SNTG2: variants seen among roughly 807,000 people sequenced by gnomAD.
SNTG2 encodes the protein syntrophin gamma 2.
In SNTG2, 74 loss-of-function variants were observed where a neutral mutation model predicts 70.9. The ratio of observed to expected loss-of-function variants is 1.04; its 90% confidence interval spans 0.86 to 1.27. SNTG2 has a LOEUF of 1.27. Ranked by LOEUF, SNTG2 falls within the 50% of genes most tolerant of loss-of-function variation. The probability of loss-of-function intolerance (pLI) is 0.00; values close to 1 mark genes in which losing one functional copy is unlikely to be tolerated. For missense variants in SNTG2, 717 were observed against 690.7 expected (o/e 1.04, Z -0.43); for synonymous variants, 278 against 273.8 (o/e 1.02, Z -0.15).
intron 8 of SNTG2, 49 bp downstream of exon 8, chr2:1,173,232 A>G: frequency 6.7e-7 from 1 of 1,493,104 alleles, no homozygotes; most frequent in South Asian, 1.1e-5. Flanking sequence ...AAATATCAGT[A>G]GCCCAGAGAT....
chr2:1,021,936 C>CTTTTTTTTTT (rs71392556), intron 1 of SNTG2, among the ~76,000 whole-genome samples: 6 of 121,116 alleles, frequency 5.0e-5, no homozygotes, highest in Non-Finnish European at 8.2e-5. Flanking sequence ...GTTTTATGTG[C>CTTTTTTTTTT]TTTTTTTTTT....
intron 16 of SNTG2, among the ~76,000 whole-genome samples, chr2:1,355,660 C>A (rs926901729): frequency 6.6e-6 from 1 of 152,194 alleles, no homozygotes; most frequent in Non-Finnish European, 1.5e-5. Flanking sequence ...GAGTGCAGGT[C>A]TCTCTTGGAG....
chr2:964,523 G>A (rs1660461787), intron 1 of SNTG2, among the ~76,000 whole-genome samples: 1 of 152,218 alleles, frequency 6.6e-6, no homozygotes, highest in African/African-American at 2.4e-5. Flanking sequence ...GTGTTAGGGA[G>A]GTTCCCAGCA....
intron 4 of SNTG2, among the ~76,000 whole-genome samples, chr2:1,100,479 CATT>C (rs1178066029): frequency 6.6e-6 from 1 of 152,206 alleles, no homozygotes; most frequent in Non-Finnish European, 1.5e-5. Flanking sequence ...TCAAAAGAAA[CATT>C]ATGATTCATT....
chr2:1,027,201 C>T (rs958137097), intron 1 of SNTG2, among the ~76,000 whole-genome samples: 2 of 152,204 alleles, frequency 1.3e-5, no homozygotes, highest in Non-Finnish European at 2.9e-5. Flanking sequence ...TGGAGATGCT[C>T]CCGGGCCCAC....
rs1480775169 is a variant in SNTG2, at chr2:1,235,561, CCCCCG to C, written c.720-2326_720-2322del. Reference sequence around the variant, plus strand: ...AGGTCCCTGCAGGCCCCACCAGGCACCCCCGATTCATGAGAGGGGGGACCCCTGCC... The same window carrying C: ...AGGTCCCTGCAGGCCCCACCAGGCACATTCATGAGAGGGGGGACCCCTGCC... On this transcript the variant is annotated intron_variant, in intron 9 of 16. Coordinates refer to ENST00000308624, the MANE Select transcript of SNTG2 (RefSeq NM_018968.4). 1.1e-3 allele frequency among the ~76,000 whole-genome samples: 97 copies of C among 92,030 alleles called. 3 individuals are homozygous for C. The highest frequency in any genetic ancestry group is 1.7e-3 in the Admixed American group (17 of 10,256). The allele number at this position is 92,030 out of a possible 152,430, so 60.4% of individuals were successfully genotyped here.
At chr2:1,255,128 G>A (rs1050063669) in intron 12 of SNTG2, among the ~76,000 whole-genome samples, 8 of 152,006 alleles carry the variant, frequency 5.3e-5, no homozygotes, top group African/African-American at 7.3e-5. Flanking sequence ...AAGTCGTGGC[G>A]TGGAGTCTGG....
chr2:959,133 A>G (rs1273874924), intron 1 of SNTG2, among the ~76,000 whole-genome samples: 1 of 152,238 alleles, frequency 6.6e-6, no homozygotes, highest in Non-Finnish European at 1.5e-5. Flanking sequence ...ATGTTGAATA[A>G]TATTGTAAAT....
intron 9 of SNTG2, among the ~76,000 whole-genome samples, chr2:1,215,550 C>CTTTTTTTTT: frequency 6.6e-6 from 1 of 150,822 alleles, no homozygotes; most frequent in Non-Finnish European, 1.5e-5. Context: ...TCTTTTTTTT[C>CTTTTTTTTT]TTTTTTTTCT....
chr2:973,419 G>A (rs1361486659), intron 1 of SNTG2, among the ~76,000 whole-genome samples: 2 of 152,000 alleles, frequency 1.3e-5, no homozygotes, highest in Non-Finnish European at 2.9e-5. Context: ...GGAGTTGAGT[G>A]TAAGGTTGAG....
In SNTG2 at chr2:1,089,525, C is replaced by T. The variant is rs188138343; in HGVS notation, c.210+5870C>T. Among the ~76,000 whole-genome samples the T allele has an allele frequency of 6.6e-5, 10 of 152,298 alleles. No individual in the cohort carries two copies. In the East Asian group the frequency reaches 1.9e-3, roughly 29 times the overall value. On this transcript the variant is annotated intron_variant, in intron 2 of 16. Coordinates refer to ENST00000308624, the MANE Select transcript of SNTG2 (RefSeq NM_018968.4). ...TGGCAGCTCCCTGTAATCCCAGCTA[C>T]TCAGGAGGCTGAAGCAAGAGAATCA...
intron 1 of SNTG2, among the ~76,000 whole-genome samples, chr2:985,182 C>T (rs186623425): frequency 6.6e-5 from 10 of 152,238 alleles, no homozygotes; most frequent in South Asian, 2.1e-4. Context: ...GAAAACAGCA[C>T]GGACTCCCCT....
At chr2:1,053,060 C>G (rs970514156) in intron 1 of SNTG2, among the ~76,000 whole-genome samples, 2 of 152,162 alleles carry the variant, frequency 1.3e-5, no homozygotes, top group African/African-American at 4.8e-5. Context: ...AAATAACATA[C>G]TCTGACTTCA....
At chr2:1,321,884 C>G (rs372903129) in intron 16 of SNTG2, among the ~76,000 whole-genome samples, 3 of 29,932 alleles carry the variant, frequency 1.0e-4, no homozygotes, top group East Asian at 8.1e-3. Flanking sequence ...CTCCTTCCTT[C>G]CTTCCTTTCC....
chr2:1,269,424 G>A (rs1301891592), intron 14 of SNTG2, among the ~76,000 whole-genome samples: 1 of 152,154 alleles, frequency 6.6e-6, no homozygotes, highest in Non-Finnish European at 1.5e-5. Flanking sequence ...AGAAGGCTGA[G>A]TGGGGAGGAT....
At chr2:977,609 G>A (rs968874657) in intron 1 of SNTG2, among the ~76,000 whole-genome samples, 15 of 152,110 alleles carry the variant, frequency 9.9e-5, no homozygotes, top group Non-Finnish European at 5.9e-5. Context: ...GTCGCTCAAT[G>A]GTCCATCTTG....
At chr2:1,176,569 G>C (rs750755095) in intron 8 of SNTG2, among the ~76,000 whole-genome samples, 2 of 151,958 alleles carry the variant, frequency 1.3e-5, no homozygotes, top group African/African-American at 2.4e-5. Context: ...AAGTTACAAA[G>C]TGGGAGACAA....
At chr2:1,106,700 G>GCA (rs1666185904) in intron 4 of SNTG2, among the ~76,000 whole-genome samples, 1 of 73,632 alleles carries the variant, frequency 1.4e-5, no homozygotes, top group Non-Finnish European at 2.8e-5. Flanking sequence ...TAGTGGATGC[G>GCA]TGCTGTCACT....
intron 4 of SNTG2, among the ~76,000 whole-genome samples, chr2:1,112,386 A>T (rs1353130768): frequency 6.6e-6 from 1 of 151,712 alleles, no homozygotes; most frequent in Non-Finnish European, 1.5e-5. Context: ...TAATCCTCAC[A>T]GTACTTGGAG....
Sources: allele counts gnomAD v4.1 joint callset (sites outside exome capture counted in the v4.1 genomes callset), GRCh38; gene constraint gnomAD v4.1.1; transcripts MANE v1.5; gene names NCBI Gene and HGNC (gene_info 2026-07-23, HGNC 2026-07-21).